The following ZNF420 variants were observed in gnomAD, a reference collection of about 807,000 sequenced individuals.
ZNF420 encodes zinc finger protein 420, also known as ATM and p53-associated KZNF protein.
Under a neutral mutation model 44.7 loss-of-function variants are expected in ZNF420, and 31 were observed. The ratio of observed to expected loss-of-function variants is 0.69; its 90% CI spans 0.52 to 0.94. The LOEUF is 0.94. Among genes scored for constraint, ZNF420 ranks in the 40% least tolerant of loss-of-function variants. The pLI is 0.00. For missense variants in ZNF420, 681 were observed against 827.9 expected (o/e 0.82, Z 2.18); for synonymous variants, 245 against 267.4 (o/e 0.92, Z 0.82).
intron 1 of ZNF420, among the ~76,000 whole-genome samples, chr19:37,028,004 C>G (rs1967185893): frequency 6.6e-6 from 1 of 152,190 alleles, no homozygotes; most frequent in Non-Finnish European, 1.5e-5. Context: ...ATTTGCAAAA[C>G]TGCCTTCCAC....
chr19:37,097,408 T>C (rs528333876), intron 4 of ZNF420, among the ~76,000 whole-genome samples: 137 of 152,292 alleles, frequency 9.0e-4, no homozygotes, highest in African/African-American at 3.2e-3. Context: ...CTACATACAA[T>C]ATGTGGTCTC....
At chr19:37,055,535 C>A (rs549493918) in intron 1 of ZNF420, among the ~76,000 whole-genome samples, 3 of 152,216 alleles carry the variant, frequency 2.0e-5, no homozygotes, top group Non-Finnish European at 4.4e-5. Flanking sequence ...CAGGAGCCCC[C>A]GTCCACGCAG....
chr19:37,026,283 G>A (rs1002680129), intron 1 of ZNF420, among the ~76,000 whole-genome samples: 148 of 149,250 alleles, frequency 9.9e-4, no homozygotes, highest in African/African-American at 3.6e-3. Flanking sequence ...TCAGCCTCCC[G>A]AGTAGCTGGG....
intron 1 of ZNF420, among the ~76,000 whole-genome samples, chr19:37,059,745 G>A (rs2146438400): frequency 6.6e-6 from 1 of 152,192 alleles, no homozygotes; most frequent in South Asian, 2.1e-4. Context: ...GCAGCCTCAG[G>A]GGTTGCCTGG....
intron 1 of ZNF420, among the ~76,000 whole-genome samples, chr19:37,062,327 G>A (rs987264653): frequency 2.1e-4 from 32 of 152,108 alleles, no homozygotes; most frequent in African/African-American, 7.7e-4. Flanking sequence ...TTTAAGAGGA[G>A]GAACATCTCA....
chr19:37,039,500 A>G (rs1240835684), intron 1 of ZNF420, among the ~76,000 whole-genome samples: 4 of 152,180 alleles, frequency 2.6e-5, no homozygotes, highest in African/African-American at 9.7e-5. Flanking sequence ...TTTTCTGAGC[A>G]GTAGGTCTCA....
At chr19:37,011,386 TCTTCA>T (rs2074567898) in intron 1 of ZNF420, among the ~76,000 whole-genome samples, 1 of 152,110 alleles carries the variant, frequency 6.6e-6, no homozygotes, top group African/African-American at 2.4e-5. Context: ...TCGCGTTTCC[TCTTCA>T]CTTCATGTTT....
chr19:37,090,806 G>C (rs1364915999), intron 3 of ZNF420, among the ~76,000 whole-genome samples, 189 bp from the exon 4 acceptor site: 1 of 151,344 alleles, frequency 6.6e-6, no homozygotes, highest in Admixed American at 6.6e-5. Context: ...TGTAATCCCA[G>C]CTACTCAGGA....
chr19:37,012,190 GC>G (rs771726696), intron 1 of ZNF420, among the ~76,000 whole-genome samples: 1 of 152,154 alleles, frequency 6.6e-6, no homozygotes, highest in Non-Finnish European at 1.5e-5. Flanking sequence ...CAGCCCTGGG[GC>G]GCCCGCAGTC....
intron 2 of ZNF420, among the ~76,000 whole-genome samples, chr19:37,081,891 T>C (rs182897440): frequency 6.6e-6 from 1 of 151,936 alleles, no homozygotes; most frequent in Non-Finnish European, 1.5e-5. Context: ...AGAAAGGTTT[T>C]AGATTTTTAC....
intron 1 of ZNF420, among the ~76,000 whole-genome samples, chr19:37,012,760 ATGTCTCTGTGTGTGTGTGTGTGTG>A (rs752860579): frequency 1.6e-4 from 16 of 101,938 alleles, no homozygotes; most frequent in Non-Finnish European, 2.4e-4. Context: ...CCACTGCTAT[ATGTCTCTGTGTGTGTGTGTGTGTG>A]TGTGTGTGTG....
chr19:37,128,616 G>A lies in ZNF420; in HGVS notation c.1625G>A (p.Arg542His), dbSNP rs375298669. The A allele has an allele frequency of 1.4e-5, 23 of 1,613,596 alleles. No homozygotes were observed. The highest frequency in any genetic ancestry group is 1.1e-4 in the East Asian group (5 of 44,870). ...AATGAATGTGGAAAGGCCTTTGCGCGTGGCTTACTACTTATACAACATCAG... is the reference window on the plus strand; with the variant it reads ...AATGAATGTGGAAAGGCCTTTGCGCATGGCTTACTACTTATACAACATCAG... ...VCNECGKAFA[R>H]GLLLIQHQRI... The change falls in exon 5 of 5, where the codon CGT becomes CAT. Residue 542 changes from arginine to histidine, a missense_variant. By Grantham distance (29) the Arg-to-His change is conservative. Transcript: ENST00000337995.
intron 1 of ZNF420, among the ~76,000 whole-genome samples, chr19:37,059,235 A>G (rs948208818): frequency 1.3e-5 from 2 of 151,656 alleles, no homozygotes; most frequent in Non-Finnish European, 1.5e-5. Context: ...GCCGCCCTCT[A>G]CTGGACCCCG....
Position 37,011,361 on chromosome 19 carries a change from C to T in ZNF420, c.-125+3279C>T, listed in dbSNP as rs1291252233. ...ATGGCTGCGTGGCTGGCCTTGGCTTCTAGGAAAGGCGGTGTCGCGTTTCCT... is the reference window on the plus strand; with the variant it reads ...ATGGCTGCGTGGCTGGCCTTGGCTTTTAGGAAAGGCGGTGTCGCGTTTCCT... On this transcript the variant is annotated intron_variant, in intron 1 of 4. Transcript: ENST00000587029. 4.6e-5 allele frequency among the ~76,000 whole-genome samples: 7 copies of T among 152,278 alleles called. No individual in the cohort carries two copies. In the East Asian group the frequency reaches 1.4e-3, roughly 29 times the overall value.
intron 4 of ZNF420, among the ~76,000 whole-genome samples, chr19:37,094,034 TA>T (rs1568452676): frequency 1.3e-5 from 2 of 152,326 alleles, no homozygotes; most frequent in African/African-American, 4.8e-5. Context: ...TACGGTCTTT[TA>T]AAAAATTCCA....
chr19:37,117,808 A>G (rs138688657), intron 4 of ZNF420, among the ~76,000 whole-genome samples: 2,934 of 152,362 alleles, frequency 0.019, 77 homozygotes, highest in East Asian at 0.049. Context: ...GCCAAGGCTC[A>G]AGAACTATGT....
rs1468310525 is a variant in ZNF420 at position 37,091,013 on chromosome 19, G to A, written c.28G>A (p.Asp10Asn). MARKLVMFR[D>N]VAIDFSQEEW... ...GTTTCAGAAATTAGTGATGTTCAGG[G>A]ATGTTGCCATTGACTTCTCTCAGGA... Residue 10 changes from aspartate (D) to asparagine (N), a missense_variant, in exon 4 of 5, where the codon GAT becomes AAT. Physicochemically the swap from Asp to Asn is conservative, Grantham distance 23 (BLOSUM62 1). Around this residue, in one of 3 missense-constraint regions of ZNF420, gnomAD observed 350 missense variants for 382.5 expected, o/e 0.92. Coordinates refer to ENST00000337995, the MANE Select transcript of ZNF420 (RefSeq NM_144689.5). The A allele has an allele frequency of 6.2e-7, 1 of 1,613,334 alleles. No homozygotes were observed. Among genetic ancestry groups the A allele is most frequent in the Admixed American group, 1.7e-5 (1 of 59,928 alleles).
At position 37,129,164 on chromosome 19, in the gene ZNF420, C is replaced by A. The variant is rs140630652; in HGVS notation, c.*106C>A. The A allele has an allele frequency of 2.1e-4, 288 of 1,354,186 alleles. 2 individuals carry two copies. In the African/African-American group the frequency reaches 3.6e-3, roughly 17 times the overall value. 83.9% of individuals were successfully genotyped at this position (1,354,186 alleles called of 1,614,324 possible). A position where few individuals can be genotyped will look rare whatever the true frequency, so the allele number is the denominator to read the frequency against. ...CGCACATTTGCCTCATAAAGCACAG[C>A]ATCAGATAATTTATGTGAGAGAAAA... On this transcript the variant is annotated 3_prime_UTR_variant, in exon 5 of 5. Coordinates refer to ENST00000337995, the MANE Select transcript of ZNF420 (RefSeq NM_144689.5).
intron 1 of ZNF420, among the ~76,000 whole-genome samples, chr19:37,058,369 G>A (rs1042892242): frequency 2.0e-5 from 3 of 152,108 alleles, no homozygotes; most frequent in African/African-American, 4.8e-5. Flanking sequence ...AGGAAAGGCC[G>A]TGCGGCATTT....
Sources: allele counts gnomAD v4.1 joint callset (sites outside exome capture counted in the v4.1 genomes callset), GRCh38; gene constraint gnomAD v4.1.1; regional missense constraint gnomAD v4.1.1; transcripts MANE v1.5; gene names NCBI Gene and HGNC (gene_info 2026-07-23, HGNC 2026-07-21).